SUGCT: variants seen among roughly 807,000 people sequenced by gnomAD.
SUGCT encodes succinyl-CoA:glutarate-CoA transferase, also known as succinyl-CoA:glutarate CoA-transferase.
In SUGCT, 41 loss-of-function variants were observed where a neutral mutation model predicts 55.0. The observed-to-expected ratio is 0.74, with a 90% CI of 0.58 to 0.97. The LOEUF (loss-of-function observed/expected upper bound fraction) is 0.97. SUGCT is among the 50% of genes least tolerant of loss of function. The pLI is 0.00. For missense variants in SUGCT, 568 were observed against 547.8 expected (o/e 1.04, Z -0.37); for synonymous variants, 187 against 200.4 (o/e 0.93, Z 0.56).
chr7:40,238,732 G>C (rs1789168979), intron 7 of SUGCT, among the ~76,000 whole-genome samples: 1 of 151,210 alleles, frequency 6.6e-6, no homozygotes, highest in Non-Finnish European at 1.5e-5. Flanking sequence ...AGCAACTGTT[G>C]GGGTTTTAAT....
At chr7:40,453,188 A>AT (rs1789285245) in intron 10 of SUGCT, among the ~76,000 whole-genome samples, 2 of 152,128 alleles carry the variant, frequency 1.3e-5, no homozygotes, top group Admixed American at 1.3e-4. Flanking sequence ...GTAATCCTGT[A>AT]TTGGAAACAG....
chr7:40,859,107 C>T (rs1794349300), intron 13 of SUGCT, among the ~76,000 whole-genome samples: 1 of 152,162 alleles, frequency 6.6e-6, no homozygotes, highest in African/African-American at 2.4e-5. Context: ...ATAGGAATAT[C>T]CTGTTTTATC....
At chr7:40,365,170 T>G (rs1021044026) in intron 9 of SUGCT, among the ~76,000 whole-genome samples, 2 of 152,220 alleles carry the variant, frequency 1.3e-5, no homozygotes, top group Non-Finnish European at 2.9e-5. Flanking sequence ...ACCACATGAT[T>G]ATCTCAATAG....
At chr7:40,960,228 CA>C in the SUGCT span, among the ~76,000 whole-genome samples, 2 of 152,134 alleles carry the variant, frequency 1.3e-5, no homozygotes, top group African/African-American at 4.8e-5. Context: ...CAACTACCCA[CA>C]AAAGGTCATA....
chr7:40,467,214 A>AC (rs1430873987), intron 11 of SUGCT, among the ~76,000 whole-genome samples: 6 of 151,508 alleles, frequency 4.0e-5, no homozygotes, highest in Admixed American at 3.9e-4. Context: ...GAAAAAAAAA[A>AC]AAAAAAAAAA....
chr7:40,728,794 G>A (rs2128693266), intron 12 of SUGCT, among the ~76,000 whole-genome samples: 1 of 152,278 alleles, frequency 6.6e-6, no homozygotes. Flanking sequence ...CCAGTCTGTG[G>A]AGTGGCTACA....
At chr7:40,691,020 A>C (rs1784674211) in intron 12 of SUGCT, among the ~76,000 whole-genome samples, 1 of 152,238 alleles carries the variant, frequency 6.6e-6, no homozygotes, top group Non-Finnish European at 1.5e-5. Flanking sequence ...GGCCTTTTGC[A>C]CTTGGCTGTC....
chr7:40,872,853 G>T, the SUGCT span, among the ~76,000 whole-genome samples: 10 of 152,148 alleles, frequency 6.6e-5, no homozygotes, highest in Non-Finnish European at 1.3e-4. Flanking sequence ...TACCTTCCTT[G>T]GCACACCTTC....
At chr7:40,466,177 G>T (rs954192161) in intron 11 of SUGCT, among the ~76,000 whole-genome samples, 1 of 152,276 alleles carries the variant, frequency 6.6e-6, no homozygotes, top group Admixed American at 6.5e-5. Context: ...GAAATGCTGG[G>T]ATTATAGCTC....
At chr7:40,219,491 C>G (rs915421368) in intron 6 of SUGCT, among the ~76,000 whole-genome samples, 1 of 152,064 alleles carries the variant, frequency 6.6e-6, no homozygotes, top group African/African-American at 2.4e-5. Context: ...AGCCTGGCTC[C>G]CACTTTTCCA....
At chr7:40,520,088 T>A (rs767366861) in intron 12 of SUGCT, among the ~76,000 whole-genome samples, 1 of 152,084 alleles carries the variant, frequency 6.6e-6, no homozygotes, top group African/African-American at 2.4e-5. Context: ...AATGGGAAAC[T>A]GGCTTTACTT....
chr7:40,795,811 T>C (rs962063252), intron 13 of SUGCT, among the ~76,000 whole-genome samples: 1 of 152,180 alleles, frequency 6.6e-6, no homozygotes, highest in Non-Finnish European at 1.5e-5. Context: ...GAAAATGGAC[T>C]ATGGGAACTT....
At chr7:40,904,428 T>C in the SUGCT span, among the ~76,000 whole-genome samples, 1 of 152,230 alleles carries the variant, frequency 6.6e-6, no homozygotes, top group Admixed American at 6.5e-5. Flanking sequence ...TCATTAACTG[T>C]ATTAAATATT....
chr7:40,987,679 A>T, the SUGCT span, among the ~76,000 whole-genome samples: 2 of 152,338 alleles, frequency 1.3e-5, no homozygotes, highest in African/African-American at 4.8e-5. Flanking sequence ...GGCAGAAACC[A>T]TCCAACCATG....
At chr7:40,935,750 G>A in the SUGCT span, among the ~76,000 whole-genome samples, 5 of 152,044 alleles carry the variant, frequency 3.3e-5, no homozygotes, top group Non-Finnish European at 5.9e-5. Flanking sequence ...CAATTACCTT[G>A]GGATATAGCT....
At chr7:40,569,423 A>G (rs978027047) in intron 12 of SUGCT, among the ~76,000 whole-genome samples, 1 of 152,154 alleles carries the variant, frequency 6.6e-6, no homozygotes, top group East Asian at 1.9e-4. Context: ...CTTCATCTTG[A>G]TAGAGCCAGC....
intron 12 of SUGCT, among the ~76,000 whole-genome samples, chr7:40,733,994 C>A (rs953654499): frequency 6.6e-6 from 1 of 152,086 alleles, no homozygotes; most frequent in Non-Finnish European, 1.5e-5. Context: ...TTGTTACAAC[C>A]TTCATATTCT....
At chr7:40,749,557 T>C in intron 13 of SUGCT, 60 bp downstream of exon 13, 4 of 1,343,816 alleles carry the variant, frequency 3.0e-6, no homozygotes, top group Non-Finnish European at 4.3e-6. Context: ...CCATATGCTG[T>C]TTACTACAGG....
At chr7:40,477,999 C>T (rs1193554059) in intron 11 of SUGCT, among the ~76,000 whole-genome samples, 1 of 151,850 alleles carries the variant, frequency 6.6e-6, no homozygotes, top group Non-Finnish European at 1.5e-5. Flanking sequence ...CTTTTTTTTC[C>T]CCCACCTTTA....
Sources: gnomAD v4.1 joint callset for allele counts (sites outside exome capture counted in the v4.1 genomes callset) on GRCh38, gnomAD v4.1.1 for gene constraint, MANE v1.5 for transcripts, NCBI Gene and HGNC (gene_info 2026-07-23, HGNC 2026-07-21) for gene names.